HIF1AN: variants seen among roughly 807,000 people sequenced by gnomAD.
HIF1AN encodes the protein hypoxia inducible factor 1 subunit alpha inhibitor.
A neutral mutation model predicts 47.7 loss-of-function variants in HIF1AN; 21 were observed. The observed-to-expected ratio is 0.44, with a 90% CI of 0.31 to 0.63. The LOEUF is 0.63. Among genes scored for constraint, HIF1AN ranks in the 30% least tolerant of loss-of-function variants. The pLI, the probability that HIF1AN is intolerant of heterozygous loss-of-function variation, is 0.07. For missense variants in HIF1AN, 320 were observed against 432.7 expected (o/e 0.74, Z 2.31); for synonymous variants, 152 against 155.9 (o/e 0.98, Z 0.18).
intron 2 of HIF1AN, among the ~76,000 whole-genome samples, chr10:100,538,457 AATT>A (rs1852255821): frequency 6.6e-6 from 1 of 152,142 alleles, no homozygotes; most frequent in Admixed American, 6.5e-5. Context: ...GTGAATATAT[AATT>A]ATTATCTTTG....
Position 100,556,579 on chromosome 10 carries a change from A to G in HIF1AN, c.*8442A>G, listed in dbSNP as rs189431847. ...CATGGATTTAAGAACGTTGCCTCCA[A>G]GTTTTTGAATTGTGAATTTTTGATC... On this transcript the variant is annotated 3_prime_UTR_variant, in exon 8 of 8. Coordinates refer to ENST00000299163, the MANE Select transcript of HIF1AN (RefSeq NM_017902.3). The G allele has an allele frequency of 2.6e-5, 4 of 152,324 alleles. No homozygotes were observed. In the East Asian group the frequency reaches 5.8e-4, roughly 22 times the overall value. 9.4% of individuals were successfully genotyped at this position (152,324 alleles called of 1,614,324 possible).
In HIF1AN at chr10:100,542,679, A is replaced by G. The variant is rs1391116977; in HGVS notation, c.577+1897A>G. Among the ~76,000 whole-genome samples the G allele has an allele frequency of 2.0e-5, 3 of 152,108 alleles. No individual in the cohort carries two copies. In the South Asian group the frequency reaches 6.2e-4, roughly 31 times the overall value. ...AAATTCAACTTTATCTTTTAAATAG[A>G]TAATACATTCATGGAGTTCGAATTC... On this transcript the variant is annotated intron_variant, in intron 3 of 7. Transcript: ENST00000299163.
chr10:100,542,742 G>GTC (rs1367562511), intron 3 of HIF1AN, among the ~76,000 whole-genome samples: 2 of 151,402 alleles, frequency 1.3e-5, no homozygotes, highest in Non-Finnish European at 2.9e-5. Flanking sequence ...AACTACCCCT[G>GTC]TCTCTTAGCC....
At chr10:100,536,340 T>C (rs868210091) in intron 1 of HIF1AN, 71 bp from the exon 2 acceptor site, 3 of 1,563,506 alleles carry the variant, frequency 1.9e-6, no homozygotes, top group African/African-American at 2.7e-5. Context: ...GTAGTTGGGA[T>C]CATGGAGGCC....
chr10:100,546,237 A>G lies in HIF1AN; in HGVS notation c.830+188A>G, dbSNP rs547013417. On this transcript the variant is annotated intron_variant, in intron 5 of 7. Coordinates refer to ENST00000299163, the MANE Select transcript of HIF1AN (RefSeq NM_017902.3). ...TGGCGGGAATGATAGCCCTGTCTCTAGGACAGGATGACGGTTCTTCAAGTC... is the reference window on the plus strand; with the variant it reads ...TGGCGGGAATGATAGCCCTGTCTCTGGGACAGGATGACGGTTCTTCAAGTC... Among the ~76,000 whole-genome samples, 35 of 152,132 alleles carry G rather than the reference A, an allele frequency of 2.3e-4. 1 individual carries two copies. In the South Asian group the frequency reaches 7.1e-3, roughly 31 times the overall value.
At chr10:100,546,396 T>C in intron 5 of HIF1AN, 122 bp from the exon 6 acceptor site, 1 of 742,232 alleles carries the variant, frequency 1.3e-6, no homozygotes, top group Non-Finnish European at 2.4e-6. Context: ...TTGTCTTCAC[T>C]ATTTTCCGTA....
chr10:100,538,014 TGAGA>T (rs368352103), intron 2 of HIF1AN, among the ~76,000 whole-genome samples: 247 of 152,252 alleles, frequency 1.6e-3, no homozygotes, highest in African/African-American at 5.5e-3. Flanking sequence ...CACCCAACAT[TGAGA>T]GAAAGATTGA....
rs534874129 is a variant in HIF1AN, at chr10:100,554,500, A to T, written c.*6363A>T. 4 of 152,024 alleles carry T rather than the reference A, an allele frequency of 2.6e-5. No homozygotes were observed. The highest frequency in any genetic ancestry group is 2.1e-4 in the South Asian group (1 of 4,814). The allele number at this position is 152,024 out of a possible 1,614,324, so 9.4% of individuals were successfully genotyped here. ...TAATTTTTTTTGAAAATAATTTTTTAAAAATTACAAATATGGACCAGACAC... is the reference window on the plus strand; with the variant it reads ...TAATTTTTTTTGAAAATAATTTTTTTAAAATTACAAATATGGACCAGACAC... On this transcript the variant is annotated 3_prime_UTR_variant, in exon 8 of 8. Coordinates refer to ENST00000299163, the MANE Select transcript of HIF1AN (RefSeq NM_017902.3).
intron 2 of HIF1AN, among the ~76,000 whole-genome samples, chr10:100,537,946 C>T (rs1366584813): frequency 6.6e-6 from 1 of 152,202 alleles, no homozygotes; most frequent in African/African-American, 2.4e-5. Context: ...TCAGTTATCT[C>T]ATGCATTAAT....
intron 2 of HIF1AN, among the ~76,000 whole-genome samples, chr10:100,538,272 C>T (rs1156520688): frequency 6.6e-6 from 1 of 152,142 alleles, no homozygotes; most frequent in East Asian, 1.9e-4. Flanking sequence ...AGCAGCTTCA[C>T]CAGTCAGCTT....
intron 3 of HIF1AN, among the ~76,000 whole-genome samples, chr10:100,544,096 G>A (rs1843071962): frequency 6.6e-6 from 1 of 152,194 alleles, no homozygotes; most frequent in Admixed American, 6.5e-5. Context: ...ACTGTGCAAA[G>A]GCCAAACAAC....
At position 100,544,946 on chromosome 10, in the gene HIF1AN, T is replaced by A; in HGVS notation, c.578-5T>A. The A allele has an allele frequency of 1.2e-6, 2 of 1,614,110 alleles. No individual in the cohort carries two copies. ...CTGCATAAGAAAATGCCTTTCTTCT[T>A]ACAGGAAATGTGACACCTGCTCACT... On this transcript the variant is annotated splice_polypyrimidine_tract_variant and splice_region_variant and intron_variant, in intron 3 of 7. Coordinates refer to ENST00000299163, the MANE Select transcript of HIF1AN (RefSeq NM_017902.3).
Position 100,558,956 on chromosome 10 carries a change from G to C in HIF1AN, c.*10819G>C, listed in dbSNP as rs1244055548. On this transcript the variant is annotated 3_prime_UTR_variant, in exon 8 of 8. Transcript: ENST00000299163. ...TATTTTAAGTCCTTGACATATGGAA[G>C]AGCATTTGTGAGAGTAACAGGTTTG... is the stretch of plus-strand genomic sequence containing the variant. 3.3e-5 allele frequency: 5 copies of C among 152,162 alleles called. No homozygotes were observed. The highest frequency in any genetic ancestry group is 7.3e-5 in the Non-Finnish European group (5 of 68,028). The allele number at this position is 152,162 out of a possible 1,614,324, so 9.4% of individuals were successfully genotyped here. A position where few individuals can be genotyped will look rare whatever the true frequency, so the allele number is the denominator to read the frequency against.
In HIF1AN at chr10:100,555,088, G is replaced by C. The variant is rs1459330455; in HGVS notation, c.*6951G>C. ...GATAAGTCCAAGCTGATATGTGGAA[G>C]ATGAATAATTAACCAGAGGTTGGGG... On this transcript the variant is annotated 3_prime_UTR_variant, in exon 8 of 8. Coordinates refer to ENST00000299163, the MANE Select transcript of HIF1AN (RefSeq NM_017902.3). 2 of 152,222 alleles carry C rather than the reference G, an allele frequency of 1.3e-5. No individual in the cohort carries two copies. The highest frequency in any genetic ancestry group is 4.8e-5 in the African/African-American group (2 of 41,458). The allele number at this position is 152,222 out of a possible 1,614,324, so 9.4% of individuals were successfully genotyped here. A position where few individuals can be genotyped will look rare whatever the true frequency, so the allele number is the denominator to read the frequency against.
Position 100,548,373 on chromosome 10 carries a change from C to T in HIF1AN, c.*236C>T. 2.1e-6 allele frequency: 1 copy of T among 481,030 alleles called. No individual in the cohort carries two copies. Among genetic ancestry groups the T allele is most frequent in the Non-Finnish European group, 3.7e-6 (1 of 272,662 alleles). 29.8% of individuals were successfully genotyped at this position (481,030 alleles called of 1,614,324 possible). ...GCCCCAGCACCTTCTCTCTCTGCCC[C>T]CCGCCTAAAGTCCTGCATTCAGTGT... is the stretch of plus-strand genomic sequence containing the variant. On this transcript the variant is annotated 3_prime_UTR_variant, in exon 8 of 8. Coordinates refer to ENST00000299163, the MANE Select transcript of HIF1AN (RefSeq NM_017902.3).
rs1001378339 is a variant in HIF1AN, at chr10:100,554,898, A to G, written c.*6761A>G. 6.6e-6 allele frequency: 1 copy of G among 152,108 alleles called. No homozygotes were observed. Among genetic ancestry groups the G allele is most frequent in the Non-Finnish European group, 1.5e-5 (1 of 68,034 alleles). The allele number at this position is 152,108 out of a possible 1,614,324, so 9.4% of individuals were successfully genotyped here. On this transcript the variant is annotated 3_prime_UTR_variant, in exon 8 of 8. Transcript: ENST00000299163. The stretch of plus-strand genomic sequence containing the variant: ...AGAAAAATATGAGTGGGATGTTAAT[A>G]GCTACCATTTGTTGAACACTTCTGT...
In HIF1AN at chr10:100,540,708, A is replaced by G. The variant is rs1397507893; in HGVS notation, c.503A>G (p.Asn168Ser). 3 of 1,613,950 alleles carry G rather than the reference A, an allele frequency of 1.9e-6. No homozygotes were observed. ...IVMDFLGFNW[N>S]WINKQQGKRG... ...ATGGACTTCTTAGGTTTTAACTGGA[A>G]CTGGATTAATAAGCAACAGGGAAAG... The change falls in exon 3 of 8, where the codon AAC becomes AGC. Residue 168 changes from asparagine (N) to serine (S), a missense_variant. Transcript: ENST00000299163.
At chr10:100,537,085 TG>T (rs1444686680) in intron 2 of HIF1AN, among the ~76,000 whole-genome samples, 1 of 152,096 alleles carries the variant, frequency 6.6e-6, no homozygotes, top group African/African-American at 2.4e-5. Flanking sequence ...CCCAGCACTT[TG>T]GGAGGCCGAG....
rs911241890 is a variant in HIF1AN, at chr10:100,550,889, C to T, written c.*2752C>T. 13 of 152,148 alleles carry T rather than the reference C, an allele frequency of 8.5e-5. No individual in the cohort carries two copies. Among genetic ancestry groups the T allele is most frequent in the Non-Finnish European group, 1.3e-4 (9 of 68,028 alleles). 9.4% of individuals were successfully genotyped at this position (152,148 alleles called of 1,614,324 possible). ...AGGAAAAGATGAGGTTTTTCCCCTT[C>T]GATTACCTTTTGAGGGATGTTTAGG... is the stretch of plus-strand genomic sequence containing the variant. On this transcript the variant is annotated 3_prime_UTR_variant, in exon 8 of 8. Coordinates refer to ENST00000299163, the MANE Select transcript of HIF1AN (RefSeq NM_017902.3).
Sources: gnomAD v4.1 joint callset for allele counts (sites outside exome capture counted in the v4.1 genomes callset) on GRCh38, gnomAD v4.1.1 for gene constraint, MANE v1.5 for transcripts, NCBI Gene and HGNC (gene_info 2026-07-23, HGNC 2026-07-21) for gene names.